STS: variants seen among roughly 807,000 people sequenced by gnomAD.
The protein encoded by STS is steroid sulfatase.
Under a neutral mutation model 26.8 loss-of-function variants are expected in STS, and 7 were observed. The ratio of observed to expected loss-of-function variants is 0.26; its 90% CI spans 0.15 to 0.49. STS has a LOEUF of 0.49. Ranked by LOEUF, STS falls within the 20% of genes least tolerant of loss-of-function variation. The pLI, the probability that STS is intolerant of heterozygous loss-of-function variation, is 0.98. For missense variants in STS, 434 were observed against 465.6 expected (o/e 0.93, Z 0.63); for synonymous variants, 199 against 189.4 (o/e 1.05, Z -0.42).
chrX:7,337,188 G>A lies in STS; in HGVS notation c.1363+3081G>A, dbSNP rs748977974. Among the ~76,000 whole-genome samples, 4 of 112,048 alleles carry A rather than the reference G, an allele frequency of 3.6e-5. No individual in the cohort carries two copies. In the East Asian group the frequency reaches 1.1e-3, roughly 31 times the overall value. ...ATTTGCTGTCTTGGCTTTTGTGTATGGCTTCATGTTTAGTCATTTTGTATT... is the reference window on the plus strand; with the variant it reads ...ATTTGCTGTCTTGGCTTTTGTGTATAGCTTCATGTTTAGTCATTTTGTATT... On this transcript the variant is annotated intron_variant, in intron 10 of 10. Transcript: ENST00000674429.
chrX:7,182,875 C>T lies in STS; in HGVS notation c.-133-8005C>T, dbSNP rs750977928. 1.4e-4 allele frequency among the ~76,000 whole-genome samples: 15 copies of T among 110,819 alleles called. No homozygotes were observed. In the South Asian group the frequency reaches 3.1e-3, roughly 23 times the overall value. On this transcript the variant is annotated intron_variant, in intron 1 of 10. Transcript: ENST00000674429. The stretch of plus-strand genomic sequence containing the variant: ...TCCCCCCAAAATCATGTGATTCCCA[C>T]GACCTCAGAATGTGACCTTTTTTGG...
chrX:7,233,463 A>G (rs1409757585), intron 2 of STS, among the ~76,000 whole-genome samples: 1 of 111,779 alleles, frequency 8.9e-6, no homozygotes, highest in African/African-American at 3.3e-5. Context: ...TTGCTGGATC[A>G]TATGGCAGTT....
intron 2 of STS, among the ~76,000 whole-genome samples, chrX:7,245,868 C>T (rs1379322060): frequency 8.9e-6 from 1 of 112,171 alleles, no homozygotes; most frequent in African/African-American, 3.2e-5. Flanking sequence ...TCTCATTCTT[C>T]AGCCTTTCCG....
chrX:7,347,302 T>C (rs1243127534), intron 10 of STS, among the ~76,000 whole-genome samples: 1 of 111,871 alleles, frequency 8.9e-6, no homozygotes, highest in African/African-American at 3.3e-5. Context: ...TCAGTAAATC[T>C]AAAGTGGTCC....
chrX:7,278,938 A>T (rs1307514888), intron 7 of STS, among the ~76,000 whole-genome samples: 1 of 111,401 alleles, frequency 9.0e-6, no homozygotes, highest in East Asian at 2.8e-4. Flanking sequence ...CATACACAAG[A>T]GCCTTCATAA....
chrX:7,168,192 C>T (rs764676362), intron 1 of STS, among the ~76,000 whole-genome samples: 4 of 111,015 alleles, frequency 3.6e-5, no homozygotes, highest in South Asian at 7.7e-4. Context: ...ACCCAGAAGG[C>T]GATCTTAGAA....
chrX:7,354,265 CT>C lies in STS; in HGVS notation c.*4005del, dbSNP rs1472212384. 2.7e-5 allele frequency: 3 copies of C among 111,266 alleles called. No individual in the cohort carries two copies. Among genetic ancestry groups the C allele is most frequent in the East Asian group, 5.7e-4 (2 of 3,531 alleles). The allele number at this position is 111,266 out of a possible 1,213,427, so 9.2% of individuals were successfully genotyped here. ...CTTGGTAATCTTCCATCCACTGCCC[CT>C]GACCCTGTTCCCTGTCTATAAATCC... On this transcript the variant is annotated 3_prime_UTR_variant, in exon 11 of 11. Transcript: ENST00000674429.
intron 10 of STS, among the ~76,000 whole-genome samples, chrX:7,338,559 C>T (rs1423109890): frequency 5.4e-5 from 6 of 111,483 alleles, no homozygotes; most frequent in East Asian, 2.8e-4. Flanking sequence ...CTTAGGGGAA[C>T]GGGGCACCAA....
chrX:7,322,214 G>A lies in STS; in HGVS notation c.1082-3125G>A, dbSNP rs192780748. The stretch of plus-strand genomic sequence containing the variant: ...AGGTTAGGAGAGGGGAGAAGAGGAC[G>A]CCTGGCTAGCAGAGGTGGTCTTGTT... On this transcript the variant is annotated intron_variant, in intron 8 of 10. Transcript: ENST00000674429. Among the ~76,000 whole-genome samples the A allele has an allele frequency of 6.0e-3, 671 of 112,121 alleles. 5 individuals are homozygous for A. The highest frequency in any genetic ancestry group is 0.013 in the South Asian group (34 of 2,660).
intron 2 of STS, among the ~76,000 whole-genome samples, chrX:7,192,605 CT>C (rs1933897186): frequency 1.8e-5 from 2 of 110,401 alleles, no homozygotes; most frequent in South Asian, 7.7e-4. Flanking sequence ...TCATAGGGTG[CT>C]TATGAAACGT....
chrX:7,346,108 T>C (rs1309465936), intron 10 of STS, among the ~76,000 whole-genome samples: 1 of 112,145 alleles, frequency 8.9e-6, no homozygotes, highest in East Asian at 2.8e-4. Flanking sequence ...TTTAATAAGA[T>C]AGCTGTTTTA....
intron 6 of STS, among the ~76,000 whole-genome samples, chrX:7,270,250 CT>C (rs1924203765): frequency 8.9e-6 from 1 of 112,240 alleles, no homozygotes; most frequent in African/African-American, 3.2e-5. Flanking sequence ...ATTGAGAAAT[CT>C]TTCTTCCACC....
At position 7,351,226 on chromosome X, in the gene STS, A is replaced by G. The variant is rs1223555796; in HGVS notation, c.*965A>G. ...GTAATTCAGAATCATTGGCCTAGAA[A>G]GTCTCTGATATTTGGAGGGGAACAA... On this transcript the variant is annotated 3_prime_UTR_variant, in exon 11 of 11. Transcript: ENST00000674429. The G allele has an allele frequency of 8.9e-6, 1 of 112,071 alleles. No individual in the cohort carries two copies. The highest frequency in any genetic ancestry group is 1.9e-5 in the Non-Finnish European group (1 of 53,263). The allele number at this position is 112,071 out of a possible 1,213,427, so 9.2% of individuals were successfully genotyped here.
Position 7,177,673 on chromosome X carries a change from C to T in STS, c.-133-13207C>T, listed in dbSNP as rs1162761241. Among the ~76,000 whole-genome samples the T allele has an allele frequency of 2.8e-5, 3 of 108,832 alleles. No homozygotes were observed. In the East Asian group the frequency reaches 8.7e-4, roughly 32 times the overall value. 94.5% of individuals were successfully genotyped at this position (108,832 alleles called of 115,157 possible). ...AATTACAAGCACATGCCACCACACC[C>T]GGCTAATTTTTGTATTTTTTTGGTA... On this transcript the variant is annotated intron_variant, in intron 1 of 10. Coordinates refer to ENST00000674429, the MANE Select transcript of STS (RefSeq NM_001320752.2).
At chrX:7,171,354 G>A (rs1231875259) in intron 1 of STS, among the ~76,000 whole-genome samples, 1 of 111,096 alleles carries the variant, frequency 9.0e-6, no homozygotes, top group Non-Finnish European at 1.9e-5. Context: ...ATTGCCACCT[G>A]CCCTCTCTCA....
intron 2 of STS, among the ~76,000 whole-genome samples, chrX:7,241,011 C>T (rs1042488409): frequency 5.4e-5 from 6 of 111,568 alleles, no homozygotes; most frequent in African/African-American, 1.6e-4. Flanking sequence ...GATAAATGCC[C>T]TCCATGTCTG....
intron 7 of STS, among the ~76,000 whole-genome samples, chrX:7,293,366 A>T (rs1569215450): frequency 8.9e-6 from 1 of 112,044 alleles, no homozygotes; most frequent in East Asian, 2.8e-4. Context: ...GGACATAAAG[A>T]TGAGAAACTC....
intron 1 of STS, among the ~76,000 whole-genome samples, chrX:7,171,229 ACT>A (rs1933461621): frequency 9.0e-6 from 1 of 111,017 alleles, no homozygotes; most frequent in East Asian, 2.9e-4. Flanking sequence ...TAATTCCAAG[ACT>A]CTCTGAGTTG....
At chrX:7,246,121 G>C (rs1922856345) in intron 2 of STS, among the ~76,000 whole-genome samples, 1 of 112,224 alleles carries the variant, frequency 8.9e-6, no homozygotes, top group Non-Finnish European at 1.9e-5. Context: ...CCAAGAAAGG[G>C]ATAGTGTTTC....
Sources: allele counts gnomAD v4.1 joint callset (sites outside exome capture counted in the v4.1 genomes callset), GRCh38; gene constraint gnomAD v4.1.1; transcripts MANE v1.5; gene names NCBI Gene and HGNC (gene_info 2026-07-23, HGNC 2026-07-21).